Variants in SGCG observed in about 807,000 individuals in gnomAD.
SGCG encodes gamma-sarcoglycan.
SGCG carries 26 observed loss-of-function variants against 29.3 expected under a neutral mutation model. The observed-to-expected ratio is 0.89, with a 90% CI of 0.65 to 1.23. The LOEUF is 1.23. Ranked by LOEUF, SGCG falls within the 50% of genes most tolerant of loss-of-function variation. The pLI, the probability that SGCG is intolerant of heterozygous loss-of-function variation, is 0.00. For synonymous variants in SGCG, 145 were observed against 129.7 expected (o/e 1.12, Z -0.80); for missense variants, 353 against 356.0 (o/e 0.99, Z 0.07).
upstream of SGCG, among the ~76,000 whole-genome samples, chr13:23,176,178 A>G (rs974142954): frequency 6.6e-6 from 1 of 152,170 alleles, no homozygotes; most frequent in African/African-American, 2.4e-5. Flanking sequence ...AATGTCAGCC[A>G]TATACTATGA....
intron 1 of SGCG, among the ~76,000 whole-genome samples, chr13:23,182,855 G>A (rs1278432827): frequency 6.6e-5 from 10 of 152,202 alleles, no homozygotes; most frequent in Non-Finnish European, 1.2e-4. Context: ...TGAACCTCTA[G>A]AAAAGGAGAG....
chr13:23,250,285 A>G (rs1879910960), intron 3 of SGCG, among the ~76,000 whole-genome samples: 1 of 152,194 alleles, frequency 6.6e-6, no homozygotes, highest in Non-Finnish European at 1.5e-5. Flanking sequence ...CATTTCTATT[A>G]CCTAGAACCC....
intron 3 of SGCG, chr13:23,245,957 CT>C: frequency 6.6e-6 from 1 of 152,482 alleles, no homozygotes; most frequent in Non-Finnish European, 1.5e-5. Flanking sequence ...GACTATACCA[CT>C]TTTCCACCTC....
At chr13:23,211,050 A>G (rs74706143) in intron 2 of SGCG, among the ~76,000 whole-genome samples, 2,641 of 152,302 alleles carry the variant, frequency 0.017, 68 homozygotes, top group African/African-American at 0.061. Context: ...TACCATCTGT[A>G]TTACTGATAA....
chr13:23,237,352 T>C (rs1879351250), intron 3 of SGCG, among the ~76,000 whole-genome samples: 1 of 152,208 alleles, frequency 6.6e-6, no homozygotes, highest in South Asian at 2.1e-4. Flanking sequence ...AATAAAGCCT[T>C]ACTTGAAATG....
At chr13:23,297,743 G>C (rs1360568986) in intron 6 of SGCG, among the ~76,000 whole-genome samples, 2 of 152,130 alleles carry the variant, frequency 1.3e-5, no homozygotes, top group African/African-American at 2.4e-5. Context: ...TTTGGGGCCA[G>C]TTTAAGGCCA....
chr13:23,197,819 A>G (rs1593167631), intron 1 of SGCG, among the ~76,000 whole-genome samples: 1 of 152,228 alleles, frequency 6.6e-6, no homozygotes, highest in South Asian at 2.1e-4. Flanking sequence ...AGAGTTTTCT[A>G]TAACTGAAGA....
intron 4 of SGCG, chr13:23,268,794 G>A (rs975363574): frequency 1.3e-5 from 2 of 151,800 alleles, no homozygotes; most frequent in Admixed American, 1.3e-4. Context: ...ACTGTATAAT[G>A]AACCCAGGGC....
At chr13:23,209,073 C>T (rs1878094565) in intron 2 of SGCG, among the ~76,000 whole-genome samples, 1 of 151,954 alleles carries the variant, frequency 6.6e-6, no homozygotes, top group Non-Finnish European at 1.5e-5. Context: ...ACTATATTAA[C>T]TCTAGTAGTT....
At chr13:23,301,655 G>A (rs1171286732) in intron 6 of SGCG, among the ~76,000 whole-genome samples, 1 of 152,214 alleles carries the variant, frequency 6.6e-6, no homozygotes, top group African/African-American at 2.4e-5. Flanking sequence ...GGAAGGCCGA[G>A]GCGGGTGGAT....
At chr13:23,277,974 A>G (rs1007646236) in intron 4 of SGCG, among the ~76,000 whole-genome samples, 7 of 152,010 alleles carry the variant, frequency 4.6e-5, no homozygotes, top group Non-Finnish European at 8.8e-5. Flanking sequence ...CTGGGATTAC[A>G]GGCGTGAGCC....
At chr13:23,268,913 A>AC (rs1555241997) in intron 4 of SGCG, 3 of 151,258 alleles carry the variant, frequency 2.0e-5, no homozygotes, top group Middle Eastern at 3.4e-3. Flanking sequence ...AAAAAAAAAA[A>AC]CACTCATCTT....
chr13:23,296,651 G>C (rs373134275), intron 6 of SGCG, among the ~76,000 whole-genome samples: 2 of 152,076 alleles, frequency 1.3e-5, no homozygotes, highest in East Asian at 3.9e-4. Flanking sequence ...GACTAATCTG[G>C]GTGCCTCTCA....
At chr13:23,291,919 C>A (rs1298734231) in intron 5 of SGCG, among the ~76,000 whole-genome samples, 3 of 152,054 alleles carry the variant, frequency 2.0e-5, no homozygotes, top group Non-Finnish European at 4.4e-5. Flanking sequence ...TTTTCAAGAA[C>A]TGAATTTTCC....
intron 3 of SGCG, chr13:23,245,106 C>T (rs1192134185): frequency 6.6e-6 from 1 of 152,322 alleles, no homozygotes; most frequent in Non-Finnish European, 1.5e-5. Context: ...CCTCCCATTC[C>T]TCAGCCACTG....
At chr13:23,192,114 G>C (rs1392312584) in intron 1 of SGCG, among the ~76,000 whole-genome samples, 1 of 150,402 alleles carries the variant, frequency 6.6e-6, no homozygotes, top group African/African-American at 2.4e-5. Flanking sequence ...AGCGGAGTTT[G>C]CAGTGAGCCG....
intron 5 of SGCG, among the ~76,000 whole-genome samples, chr13:23,283,346 G>A (rs1304741968): frequency 6.6e-6 from 1 of 152,108 alleles, no homozygotes; most frequent in African/African-American, 2.4e-5. Context: ...TCTTCTTGTT[G>A]AATTGATTCC....
chr13:23,269,113 C>G (rs1288926264), intron 4 of SGCG: 1 of 152,044 alleles, frequency 6.6e-6, no homozygotes, highest in Non-Finnish European at 1.5e-5. Context: ...CAACTGGCAC[C>G]ATGAGATGTA....
intron 1 of SGCG, among the ~76,000 whole-genome samples, chr13:23,200,294 G>A (rs1423449778): frequency 1.3e-5 from 2 of 151,934 alleles, no homozygotes; most frequent in African/African-American, 2.4e-5. Context: ...GTGGTGGCAT[G>A]TGCCTGTAAT....
Sources: gnomAD v4.1 joint callset for allele counts (sites outside exome capture counted in the v4.1 genomes callset) on GRCh38, gnomAD v4.1.1 for gene constraint, MANE v1.5 for transcripts, NCBI Gene and HGNC (gene_info 2026-07-23, HGNC 2026-07-21) for gene names.